Variants in PHF24 observed in about 807,000 individuals in gnomAD.
PHF24 encodes the protein Galpha inhibitory interacting protein.
Under a neutral mutation model 42.6 loss-of-function variants are expected in PHF24, and 25 were observed. That is an observed-to-expected ratio of 0.59 (90% CI 0.43 to 0.82). PHF24 has a LOEUF of 0.82. PHF24 is among the 40% of genes least tolerant of loss of function. PHF24 has a pLI of 0.00. For missense variants in PHF24, 470 were observed against 538.1 expected (o/e 0.87, Z 1.25); for synonymous variants, 185 against 204.8 (o/e 0.90, Z 0.83).
chr9:34,784,394 AT>A, the PHF24 span, among the ~76,000 whole-genome samples: 1 of 152,182 alleles, frequency 6.6e-6, no homozygotes, highest in South Asian at 2.1e-4. Flanking sequence ...TGGGGAAAAT[AT>A]TTTTAAATGT....
chr9:34,729,461 C>T, the PHF24 span: 5 of 1,527,214 alleles, frequency 3.3e-6, no homozygotes, highest in Non-Finnish European at 4.4e-6. Context: ...ATCAACCATC[C>T]CTCTATCTCG....
chr9:34,910,459 G>A, the PHF24 span, among the ~76,000 whole-genome samples: 2 of 152,088 alleles, frequency 1.3e-5, no homozygotes, highest in East Asian at 1.9e-4. Context: ...AAGTGTTCTC[G>A]CTACATACAT....
chr9:34,878,786 G>C, the PHF24 span, among the ~76,000 whole-genome samples: 2 of 152,324 alleles, frequency 1.3e-5, no homozygotes, highest in African/African-American at 4.8e-5. Flanking sequence ...TCACGTCTGG[G>C]GGCAGGGCAT....
chr9:34,863,543 A>G, the PHF24 span, among the ~76,000 whole-genome samples: 1 of 152,220 alleles, frequency 6.6e-6, no homozygotes, highest in Non-Finnish European at 1.5e-5. Context: ...CAAGATTACC[A>G]AGGTACTACT....
At chr9:34,914,561 A>C in the PHF24 span, among the ~76,000 whole-genome samples, 1 of 152,022 alleles carries the variant, frequency 6.6e-6, no homozygotes, top group Non-Finnish European at 1.5e-5. Context: ...TACAGTCTGG[A>C]AGTACTTCTC....
At chr9:34,742,003 A>G in the PHF24 span, among the ~76,000 whole-genome samples, 1 of 152,242 alleles carries the variant, frequency 6.6e-6, no homozygotes, top group Non-Finnish European at 1.5e-5. Flanking sequence ...CAGAGAGAAT[A>G]GAAGTCATGG....
the PHF24 span, chr9:34,835,780 T>C: frequency 6.4e-7 from 1 of 1,550,394 alleles, no homozygotes; most frequent in South Asian, 1.2e-5. Flanking sequence ...ATCTGTTAAT[T>C]GTGACAGTGT....
the PHF24 span, chr9:34,710,112 G>T: frequency 5.2e-5 from 81 of 1,563,372 alleles, no homozygotes; most frequent in African/African-American, 9.3e-4. Flanking sequence ...AGGGTGAGGT[G>T]GGCAGCTGCA....
At chr9:34,954,059 C>T (rs1563921953), upstream of PHF24, among the ~76,000 whole-genome samples, 3 of 152,114 alleles carry the variant, frequency 2.0e-5, no homozygotes, top group Admixed American at 1.3e-4. Flanking sequence ...TCTGTAATCC[C>T]AACACTTAGG....
chr9:34,863,430 AG>A, the PHF24 span, among the ~76,000 whole-genome samples: 1 of 146,478 alleles, frequency 6.8e-6, no homozygotes, highest in East Asian at 2.0e-4. Flanking sequence ...AGAGAGAGAG[AG>A]AGAGAGAGAG....
At chr9:34,887,457 C>T in the PHF24 span, among the ~76,000 whole-genome samples, 17 of 152,152 alleles carry the variant, frequency 1.1e-4, no homozygotes, top group East Asian at 1.7e-3. Flanking sequence ...TCCTCTACCA[C>T]TTTCTCCCTT....
At chr9:34,924,306 A>G in the PHF24 span, among the ~76,000 whole-genome samples, 1 of 149,732 alleles carries the variant, frequency 6.7e-6, no homozygotes, top group Non-Finnish European at 1.5e-5. Flanking sequence ...GTAAATTTTG[A>G]TTAGGTCCTT....
chr9:34,669,497 AT>A, the PHF24 span, among the ~76,000 whole-genome samples: 1 of 151,800 alleles, frequency 6.6e-6, no homozygotes, highest in South Asian at 2.1e-4. Flanking sequence ...GCAGGTGTGC[AT>A]GGGTGTGCAG....
chr9:34,780,303 T>TC, the PHF24 span, among the ~76,000 whole-genome samples: 5 of 79,328 alleles, frequency 6.3e-5, no homozygotes, highest in East Asian at 2.6e-4. Flanking sequence ...TTTTTCTTTT[T>TC]TTTTTTTTTT....
the PHF24 span, among the ~76,000 whole-genome samples, chr9:34,875,969 C>G: frequency 1.5e-5 from 2 of 132,458 alleles, no homozygotes; most frequent in South Asian, 2.4e-4. Context: ...CTCTCTCTCT[C>G]TCTCTCTCTC....
At chr9:34,713,895 G>A in the PHF24 span, among the ~76,000 whole-genome samples, 1 of 152,128 alleles carries the variant, frequency 6.6e-6, no homozygotes, top group East Asian at 1.9e-4. Flanking sequence ...ACCATAGGAA[G>A]AGGAGGAAAT....
chr9:34,923,883 A>G, the PHF24 span, among the ~76,000 whole-genome samples: 1 of 151,504 alleles, frequency 6.6e-6, no homozygotes, highest in African/African-American at 2.4e-5. Flanking sequence ...AGGTTTTTAG[A>G]TGCATCATTA....
chr9:34,784,958 A>G, the PHF24 span, among the ~76,000 whole-genome samples: 1 of 152,204 alleles, frequency 6.6e-6, no homozygotes, highest in Non-Finnish European at 1.5e-5. Context: ...TAATTTTGAA[A>G]TGTGTTTTAG....
At chr9:34,732,571 C>T in the PHF24 span, among the ~76,000 whole-genome samples, 15 of 152,218 alleles carry the variant, frequency 9.9e-5, no homozygotes, top group African/African-American at 3.4e-4. Context: ...GGGGTTGTCT[C>T]TTCACTTTGT....
Sources: allele counts gnomAD v4.1 joint callset (sites outside exome capture counted in the v4.1 genomes callset), GRCh38; gene constraint gnomAD v4.1.1; transcripts MANE v1.5; gene names NCBI Gene and HGNC (gene_info 2026-07-23, HGNC 2026-07-21).